The following IFNGR2 variants were observed in gnomAD, a reference collection of about 807,000 sequenced individuals.
IFNGR2 encodes IFN-gamma receptor 2.
Under a neutral mutation model 41.1 loss-of-function variants are expected in IFNGR2, and 15 were observed. The observed-to-expected ratio is 0.37, with a 90% confidence interval of 0.24 to 0.56. IFNGR2 has a LOEUF of 0.56. IFNGR2 is among the 20% of genes least tolerant of loss of function. The pLI is 0.81. For synonymous variants in IFNGR2, 161 were observed against 171.6 expected (o/e 0.94, Z 0.48); for missense variants, 362 against 415.7 (o/e 0.87, Z 1.12).
intron 1 of IFNGR2, among the ~76,000 whole-genome samples, chr21:33,403,964 G>C (rs1345726624): frequency 6.6e-6 from 1 of 152,144 alleles, no homozygotes; most frequent in African/African-American, 2.4e-5. Flanking sequence ...CCCCTCTCCG[G>C]GAGAGGACAC....
At chr21:33,405,103 G>GAA (rs3057379) in intron 1 of IFNGR2, among the ~76,000 whole-genome samples, 8 of 119,814 alleles carry the variant, frequency 6.7e-5, no homozygotes, top group Admixed American at 1.8e-4. Context: ...CTCTGTCTCA[G>GAA]AAAAAAAAAA....
intron 6 of IFNGR2, among the ~76,000 whole-genome samples, chr21:33,434,132 C>T (rs186676786): frequency 1.3e-5 from 2 of 152,326 alleles, no homozygotes; most frequent in Non-Finnish European, 2.9e-5. Context: ...TCCTGCATAA[C>T]CCCAGCCCCC....
At position 33,415,110 on chromosome 21, in the gene IFNGR2, C is replaced by G. The variant is rs535569457; in HGVS notation, c.206+90C>G. On this transcript the variant is annotated intron_variant, in intron 2 of 6. Coordinates refer to ENST00000290219, the MANE Select transcript of IFNGR2 (RefSeq NM_005534.4). ...CCACATACTAGTCCCTGCCTCTGTGCAGGGTTTGTTATCAAACCCGTGGGA... is the reference window on the plus strand; with the variant it reads ...CCACATACTAGTCCCTGCCTCTGTGGAGGGTTTGTTATCAAACCCGTGGGA... 7.4e-6 allele frequency: 11 copies of G among 1,479,972 alleles called. No individual in the cohort carries two copies. In the East Asian group the frequency reaches 2.5e-4, roughly 34 times the overall value. 91.7% of individuals were successfully genotyped at this position (1,479,972 alleles called of 1,614,324 possible).
Position 33,436,844 on chromosome 21 carries a change from C to T in IFNGR2, c.896C>T (p.Thr299Ile). Residue 299 changes from threonine (T) to isoleucine (I), a missense_variant, in exon 7 of 7, where the codon ACT (threonine) becomes ATT (isoleucine). Transcript: ENST00000290219. ...CTCCTCAAGTATTTAAAAGACCCAA[C>T]TCAGCCCATCTTAGAGGCCTTGGAC... is the stretch of plus-strand genomic sequence containing the variant. ...LQIEEYLKDP[T>I]QPILEALDKD... 6.2e-7 allele frequency: 1 copy of T among 1,614,170 alleles called. No individual in the cohort carries two copies. Among genetic ancestry groups the T allele is most frequent in the Admixed American group, 1.7e-5 (1 of 60,020 alleles).
chr21:33,403,648 G>T (rs985101045), intron 1 of IFNGR2, 32 bp downstream of exon 1: 1 of 1,289,478 alleles, frequency 7.8e-7, no homozygotes, highest in African/African-American at 1.6e-5. Context: ...GCGGCGGGAC[G>T]CGGGCGCAGC....
chr21:33,433,368 G>A (rs1221789991), intron 6 of IFNGR2, among the ~76,000 whole-genome samples: 3 of 152,212 alleles, frequency 2.0e-5, no homozygotes, highest in Admixed American at 6.5e-5. Context: ...CTCCGGTGTC[G>A]TTGAAGGATT....
chr21:33,431,733 G>A (rs1037861479), intron 4 of IFNGR2, among the ~76,000 whole-genome samples: 2 of 152,134 alleles, frequency 1.3e-5, no homozygotes, highest in Non-Finnish European at 2.9e-5. Context: ...ACCACATCCA[G>A]CTAATTTTTG....
chr21:33,411,800 C>T (rs560264741), intron 1 of IFNGR2, among the ~76,000 whole-genome samples: 2 of 152,278 alleles, frequency 1.3e-5, no homozygotes, highest in South Asian at 2.1e-4. Flanking sequence ...CCTGGAGGCT[C>T]GAGAAGGACC....
At chr21:33,433,177 CGCCCGG>C (rs1555881939) in intron 6 of IFNGR2, among the ~76,000 whole-genome samples, 26 of 152,138 alleles carry the variant, frequency 1.7e-4, no homozygotes, top group Non-Finnish European at 2.2e-4. Flanking sequence ...GGAGCCACTG[CGCCCGG>C]CCACGCAGAC....
intron 4 of IFNGR2, among the ~76,000 whole-genome samples, chr21:33,429,720 G>A (rs540265207): frequency 2.6e-5 from 4 of 152,254 alleles, no homozygotes; most frequent in Middle Eastern, 6.8e-3. Context: ...TCTGTGTAGC[G>A]TATGCCAAAA....
rs1008233443 is a variant in IFNGR2 at position 33,421,477 on chromosome 21, C to T, written c.207-3C>T. The T allele has an allele frequency of 6.2e-7, 1 of 1,612,000 alleles. No homozygotes were observed. Among genetic ancestry groups the T allele is most frequent in the East Asian group, 2.2e-5 (1 of 44,876 alleles). On this transcript the variant is annotated splice_polypyrimidine_tract_variant and splice_region_variant and intron_variant, in intron 2 of 6. Transcript: ENST00000290219. Reference sequence around the variant, plus strand: ...TGAATTGAAATCCTTTTTTCCTTCCCAGCACCGACAGTAAATGGTTCACGG... The same window carrying T: ...TGAATTGAAATCCTTTTTTCCTTCCTAGCACCGACAGTAAATGGTTCACGG...
intron 1 of IFNGR2, among the ~76,000 whole-genome samples, chr21:33,404,991 C>A (rs1455868708): frequency 6.6e-6 from 1 of 152,032 alleles, no homozygotes; most frequent in African/African-American, 2.4e-5. Context: ...TGGTAGCGCC[C>A]GCCTGTAATC....
At chr21:33,408,066 G>GAT (rs1333778208) in intron 1 of IFNGR2, among the ~76,000 whole-genome samples, 1 of 152,004 alleles carries the variant, frequency 6.6e-6, no homozygotes, top group Non-Finnish European at 1.5e-5. Flanking sequence ...GCCCCCAATA[G>GAT]AAAGATCCTA....
chr21:33,406,746 C>G (rs1601065219), intron 1 of IFNGR2, among the ~76,000 whole-genome samples: 1 of 151,302 alleles, frequency 6.6e-6, no homozygotes, highest in Non-Finnish European at 1.5e-5. Context: ...CTCTTGGGCT[C>G]AAGCCATCCT....
intron 4 of IFNGR2, among the ~76,000 whole-genome samples, chr21:33,427,684 A>G (rs960606850): frequency 5.9e-5 from 9 of 152,086 alleles, no homozygotes; most frequent in African/African-American, 2.2e-4. Flanking sequence ...TGCCTAAATT[A>G]TCCTAGCTGC....
intron 4 of IFNGR2, among the ~76,000 whole-genome samples, chr21:33,431,152 A>C (rs1291291456): frequency 1.3e-5 from 2 of 152,210 alleles, no homozygotes; most frequent in Admixed American, 1.3e-4. Context: ...ATTTTAGCTG[A>C]AACTATAGGA....
intron 1 of IFNGR2, chr21:33,410,993 C>A: frequency 1.1e-6 from 1 of 879,228 alleles, no homozygotes; most frequent in Non-Finnish European, 1.9e-6. Flanking sequence ...CCATCGGGGG[C>A]CATGTGGCCT....
At chr21:33,428,930 C>A (rs2083862677) in intron 4 of IFNGR2, among the ~76,000 whole-genome samples, 1 of 152,186 alleles carries the variant, frequency 6.6e-6, no homozygotes, top group Admixed American at 6.5e-5. Context: ...TATCCTAGAG[C>A]TGGGCAGGGC....
chr21:33,414,909 C>G lies in IFNGR2; in HGVS notation c.95C>G (p.Ala32Gly). The G allele has an allele frequency of 6.2e-7, 1 of 1,614,130 alleles. No individual in the cohort carries two copies. The highest frequency in any genetic ancestry group is 8.5e-7 in the Non-Finnish European group (1 of 1,180,006). Reference sequence around the variant, plus strand: ...CAAGACCCTCTTTCCCAGCTGCCCGCTCCTCAGCACCCGAAGATTCGCCTG... The same window carrying G: ...CAAGACCCTCTTTCCCAGCTGCCCGGTCCTCAGCACCCGAAGATTCGCCTG... ...APPDPLSQLP[A>G]PQHPKIRLYN... is the part of the protein sequence containing the mutation. The change falls in exon 2 of 7, where the codon GCT becomes GGT. Residue 32 changes from alanine (A) to glycine (G), a missense_variant. By Grantham distance (60) the Ala-to-Gly change is moderately conservative. Coordinates refer to ENST00000290219, the MANE Select transcript of IFNGR2 (RefSeq NM_005534.4).
Sources: allele counts gnomAD v4.1 joint callset (sites outside exome capture counted in the v4.1 genomes callset), GRCh38; gene constraint gnomAD v4.1.1; transcripts MANE v1.5; gene names NCBI Gene and HGNC (gene_info 2026-07-23, HGNC 2026-07-21).